Variants in ACSL5 observed in about 807,000 individuals in gnomAD.
ACSL5 encodes long-chain-fatty-acid--CoA ligase 5.
ACSL5 carries 50 observed loss-of-function variants against 84.9 expected under a neutral mutation model. The ratio of observed to expected loss-of-function variants is 0.59; its 90% CI spans 0.47 to 0.75. ACSL5 has a LOEUF of 0.75. Ranked by LOEUF, ACSL5 falls within the 30% of genes least tolerant of loss-of-function variation. ACSL5 has a pLI of 0.00. For synonymous variants in ACSL5, 280 were observed against 300.7 expected, an observed-to-expected ratio of 0.93 and a Z score of 0.71; for missense variants, 775 against 830.4, an observed-to-expected ratio of 0.93 and a Z score of 0.82.
In ACSL5 at chr10:112,425,401, A is replaced by C. The variant is rs779225609; in HGVS notation, c.1657A>C (p.Ile553Leu). Reference sequence around the variant, plus strand: ...TTTCAAGCTGGCCCAAGGAGAATACATTGCACCAGAGAAGATAGAAAATAT... The same window carrying C: ...TTTCAAGCTGGCCCAAGGAGAATACCTTGCACCAGAGAAGATAGAAAATAT... ...NIFKLAQGEY[I>L]APEKIENIYN... Residue 553 changes from isoleucine to leucine, a missense_variant, in exon 18 of 21, where the codon ATT becomes CTT. Ile to Leu is a conservative substitution (Grantham distance 5, BLOSUM62 2). Transcript: ENST00000354655. 1 of 1,613,616 alleles carries C rather than the reference A, an allele frequency of 6.2e-7. No individual in the cohort carries two copies. Among genetic ancestry groups the C allele is most frequent in the Non-Finnish European group, 8.5e-7 (1 of 1,179,758 alleles).
At chr10:112,406,305 C>T (rs2133618505) in intron 5 of ACSL5, 1 of 152,330 alleles carries the variant, frequency 6.6e-6, no homozygotes, top group African/African-American at 2.4e-5. Context: ...TTTGTCTTCA[C>T]ACGGCCTTTT....
chr10:112,401,413 T>C (rs918505337), intron 3 of ACSL5, among the ~76,000 whole-genome samples: 3 of 152,246 alleles, frequency 2.0e-5, no homozygotes, highest in African/African-American at 7.2e-5. Context: ...TTTGTATTTT[T>C]AGCAACACTT....
chr10:112,424,064 A>G (rs1030799879), intron 17 of ACSL5, among the ~76,000 whole-genome samples: 1 of 152,232 alleles, frequency 6.6e-6, no homozygotes, highest in Non-Finnish European at 1.5e-5. Context: ...TATCCTCCCT[A>G]TTAATTCACA....
chr10:112,396,343 C>T (rs11195946), intron 2 of ACSL5: 3 of 152,182 alleles, frequency 2.0e-5, no homozygotes, highest in Non-Finnish European at 2.9e-5. Context: ...AAAGGCCAGG[C>T]AGTAAATGGC....
At chr10:112,405,819 T>G (rs1471362036) in intron 5 of ACSL5, among the ~76,000 whole-genome samples, 1 of 152,166 alleles carries the variant, frequency 6.6e-6, no homozygotes, top group African/African-American at 2.4e-5. Context: ...TCTTACAATA[T>G]AGTAAGCTAG....
chr10:112,376,004 AGTTT>A (rs1271969465), intron 1 of ACSL5, among the ~76,000 whole-genome samples: 1 of 152,062 alleles, frequency 6.6e-6, no homozygotes, highest in Non-Finnish European at 1.5e-5. Flanking sequence ...AAGTCATTTT[AGTTT>A]GTTTGTTTTC....
intron 12 of ACSL5, among the ~76,000 whole-genome samples, chr10:112,416,666 T>C (rs1344218013): frequency 6.6e-6 from 1 of 151,896 alleles, no homozygotes; most frequent in African/African-American, 2.4e-5. Flanking sequence ...GGACTAAAAA[T>C]TGGGGCAGGA....
At position 112,394,946 on chromosome 10, in the gene ACSL5, G is replaced by A; in HGVS notation, c.-1G>A. 4.3e-6 allele frequency: 7 copies of A among 1,613,266 alleles called. No individual in the cohort carries two copies. The highest frequency in any genetic ancestry group is 5.9e-6 in the Non-Finnish European group (7 of 1,179,944). On this transcript the variant is annotated 5_prime_UTR_variant, in exon 2 of 21. Coordinates refer to ENST00000354655, the MANE Select transcript of ACSL5 (RefSeq NM_203379.2). The stretch of plus-strand genomic sequence containing the variant: ...TGAATTTCCTGCTGCTGTTCACAAA[G>A]ATGCTTTTTATCTTTAACTTTTTGT...
chr10:112,381,501 C>A (rs1005274745), intron 1 of ACSL5, among the ~76,000 whole-genome samples: 2 of 151,590 alleles, frequency 1.3e-5, no homozygotes, highest in African/African-American at 4.9e-5. Context: ...ACCCCCTCTA[C>A]TAAAAATACA....
At chr10:112,403,105 C>T (rs774326702) in intron 3 of ACSL5, among the ~76,000 whole-genome samples, 6 of 152,192 alleles carry the variant, frequency 3.9e-5, no homozygotes, top group East Asian at 3.9e-4. Context: ...TGTGTGTTTC[C>T]GTGTTTTTTT....
At position 112,409,551 on chromosome 10, in the gene ACSL5, G is replaced by T. The variant is rs763164798; in HGVS notation, c.577G>T (p.Val193Leu). The T allele has an allele frequency of 8.5e-5, 137 of 1,613,858 alleles. 2 individuals are homozygous for T. The South Asian group carries it at 1.4e-3, about 17-fold the overall frequency. The change falls in exon 7 of 21, where the codon GTG becomes TTG. Residue 193 changes from valine (V) to leucine (L), a missense_variant. By Grantham distance (32) the Val-to-Leu change is conservative (BLOSUM62 1). Transcript: ENST00000354655. ...VICDTPQKAL[V>L]LIGNVEKGFT... ...CTGTGACACACCCCAAAAGGCATTGGTGCTGATAGGGAATGTAGAGAAAGG... is the reference window on the plus strand; with the variant it reads ...CTGTGACACACCCCAAAAGGCATTGTTGCTGATAGGGAATGTAGAGAAAGG...
At chr10:112,376,417 A>G in intron 1 of ACSL5, 1 of 1,614,134 alleles carries the variant, frequency 6.2e-7, no homozygotes, top group Non-Finnish European at 8.5e-7. Context: ...CCCATTCACT[A>G]GAAGCACTGA....
chr10:112,415,129 A>G (rs1471508549), intron 12 of ACSL5, among the ~76,000 whole-genome samples: 1 of 151,626 alleles, frequency 6.6e-6, no homozygotes, highest in East Asian at 1.9e-4. Context: ...TACATTTTTT[A>G]TTTTTCAGAG....
intron 5 of ACSL5, chr10:112,406,085 G>C (rs931997912): frequency 6.6e-6 from 1 of 151,986 alleles, no homozygotes; most frequent in Non-Finnish European, 1.5e-5. Context: ...TCCACAAGCA[G>C]ACCCTTACAG....
intron 2 of ACSL5, among the ~76,000 whole-genome samples, chr10:112,396,935 C>T (rs1314975773): frequency 6.6e-6 from 1 of 152,220 alleles, no homozygotes; most frequent in Non-Finnish European, 1.5e-5. Flanking sequence ...AGTCAGATCT[C>T]TTGTTACATC....
At chr10:112,424,278 G>C (rs1056720249) in intron 17 of ACSL5, 1 of 152,228 alleles carries the variant, frequency 6.6e-6, no homozygotes, top group Non-Finnish European at 1.5e-5. Context: ...TTTCCCAAAA[G>C]ATCTTCCCTC....
intron 6 of ACSL5, chr10:112,409,210 A>C: frequency 9.9e-6 from 3 of 304,512 alleles, no homozygotes; most frequent in Non-Finnish European, 1.8e-5. Context: ...ATAGAACCAC[A>C]CCTCAGTAAC....
intron 13 of ACSL5, among the ~76,000 whole-genome samples, chr10:112,417,246 T>TA (rs1428000523): frequency 6.2e-5 from 9 of 144,344 alleles, no homozygotes; most frequent in Admixed American, 4.2e-4. Context: ...CTCACACCTG[T>TA]AATCCCAGCA....
At chr10:112,413,071 A>C in intron 11 of ACSL5, 102 bp from the exon 12 acceptor site, 1 of 1,286,692 alleles carries the variant, frequency 7.8e-7, no homozygotes, top group Non-Finnish European at 1.1e-6. Context: ...TCCCCACTGA[A>C]GGGGTTGTTT....
Sources: allele counts gnomAD v4.1 joint callset (sites outside exome capture counted in the v4.1 genomes callset), GRCh38; gene constraint gnomAD v4.1.1; transcripts MANE v1.5; gene names NCBI Gene and HGNC (gene_info 2026-07-23, HGNC 2026-07-21).